The following CC2D2B variants were observed in gnomAD, a reference collection of about 807,000 sequenced individuals.
CC2D2B encodes the protein coiled-coil and C2 domain containing 2B.
Under a neutral mutation model 161.2 loss-of-function variants are expected in CC2D2B, and 128 were observed. The observed-to-expected ratio is 0.79, with a 90% CI of 0.69 to 0.92. The LOEUF (loss-of-function observed/expected upper bound fraction) is 0.92, where lower values mean the gene tolerates loss of function less well. Ranked by LOEUF, CC2D2B falls within the 40% of genes least tolerant of loss-of-function variation. The probability of loss-of-function intolerance (pLI) is 0.00; values close to 1 mark genes in which losing one functional copy is unlikely to be tolerated. For missense variants in CC2D2B, 1,173 were observed against 1,375.1 expected (o/e 0.85, Z 2.32); for synonymous variants, 391 against 449.8 (o/e 0.87, Z 1.65).
intron 9 of CC2D2B, among the ~76,000 whole-genome samples, chr10:95,948,096 C>G (rs10736096): frequency 0.59 from 89,744 of 151,976 alleles, 27,064 homozygotes; most frequent in Admixed American, 0.66. Context: ...GCACACAATA[C>G]TGAGATAGAT....
intron 17 of CC2D2B, among the ~76,000 whole-genome samples, chr10:95,980,904 T>C (rs1423827468): frequency 6.6e-6 from 1 of 152,196 alleles, no homozygotes; most frequent in Non-Finnish European, 1.5e-5. Context: ...ATTTGGATTG[T>C]AGTCCAAATT....
chr10:96,030,568 A>AAGTTGTTTTTGCTTTGCTTTGCTTTATTT (rs2080023459), intron 34 of CC2D2B, among the ~76,000 whole-genome samples: 1 of 152,076 alleles, frequency 6.6e-6, no homozygotes, highest in Non-Finnish European at 1.5e-5. Flanking sequence ...AATAGGGAGG[A>AAGTTGTTTTTGCTTTGCTTTGCTTTATTT]AGTTGTTTTT....
chr10:95,994,087 A>T (rs935411611), intron 22 of CC2D2B, among the ~76,000 whole-genome samples: 1 of 149,364 alleles, frequency 6.7e-6, no homozygotes, highest in South Asian at 2.2e-4. Flanking sequence ...AGACAAAGAG[A>T]TAAAGAGAAA....
chr10:95,958,261 G>A (rs2076645564), intron 11 of CC2D2B, among the ~76,000 whole-genome samples: 1 of 152,184 alleles, frequency 6.6e-6, no homozygotes, highest in Admixed American at 6.5e-5. Flanking sequence ...AGAGGCTGAG[G>A]TGAGCAGATT....
At chr10:95,923,107 C>T (rs910785473) in intron 3 of CC2D2B, among the ~76,000 whole-genome samples, 2 of 152,268 alleles carry the variant, frequency 1.3e-5, no homozygotes, top group South Asian at 4.1e-4. Flanking sequence ...CATGTGCCAC[C>T]ACGCCCAGTT....
Position 96,032,243 on chromosome 10 carries a change from G to A in CC2D2B, c.*235G>A. 1 of 428,194 alleles carries A rather than the reference G, an allele frequency of 2.3e-6. No individual in the cohort carries two copies. Among genetic ancestry groups the A allele is most frequent in the Non-Finnish European group, 4.2e-6 (1 of 239,364 alleles). The allele number at this position is 428,194 out of a possible 1,614,324, so 26.5% of individuals were successfully genotyped here. ...CCTCTCCAGGAAGGACCTTTGGATA[G>A]TCTGGCTTTCTTGGGTCACTGTCTG... On this transcript the variant is annotated 3_prime_UTR_variant, in exon 35 of 35. Transcript: ENST00000646931.
chr10:95,932,130 G>A lies in CC2D2B; in HGVS notation c.336+4798G>A, dbSNP rs900435655. ...TGTTGCATCAATCCTTTACCATTATGTAATGCCCTTCTTTGTCTTTTTTCA... is the reference window on the plus strand; with the variant it reads ...TGTTGCATCAATCCTTTACCATTATATAATGCCCTTCTTTGTCTTTTTTCA... On this transcript the variant is annotated intron_variant, in intron 6 of 34. Transcript: ENST00000646931. Among the ~76,000 whole-genome samples, 3 of 152,302 alleles carry A rather than the reference G, an allele frequency of 2.0e-5. No homozygotes were observed. The South Asian group carries it at 6.2e-4, about 32-fold the overall frequency.
At chr10:95,939,690 T>C (rs2075956289) in intron 9 of CC2D2B, among the ~76,000 whole-genome samples, 1 of 152,226 alleles carries the variant, frequency 6.6e-6, no homozygotes, top group African/African-American at 2.4e-5. Flanking sequence ...CTGATGTACA[T>C]AAGTTGTATT....
intron 5 of CC2D2B, 85 bp downstream of exon 5, chr10:95,924,929 GTA>G (rs2098535623): frequency 2.6e-6 from 2 of 757,676 alleles, no homozygotes; most frequent in Non-Finnish European, 4.4e-6. Flanking sequence ...CATTTAAAGT[GTA>G]TATGACTCAA....
chr10:95,911,175 G>A (rs1484749189), intron 1 of CC2D2B, 126 bp from the exon 2 acceptor site: 1 of 192,562 alleles, frequency 5.2e-6, no homozygotes, highest in Non-Finnish European at 1.0e-5. Flanking sequence ...AATAGTAAAA[G>A]TGATAGTATA....
chr10:96,027,983 A>C (rs774670148), intron 34 of CC2D2B, among the ~76,000 whole-genome samples: 63 of 152,202 alleles, frequency 4.1e-4, no homozygotes, highest in Non-Finnish European at 5.1e-4. Flanking sequence ...TGCAAAATCA[A>C]ATCAAGCTGG....
rs2075890839 is a variant in CC2D2B at position 95,938,097 on chromosome 10, A to C, written c.443A>C (p.Asp148Ala). 1 of 1,548,506 alleles carries C rather than the reference A, an allele frequency of 6.5e-7. No homozygotes were observed. Among genetic ancestry groups the C allele is most frequent in the African/African-American group, 1.4e-5 (1 of 72,984 alleles). The change falls in exon 7 of 35, where the codon GAT becomes GCT. Residue 148 changes from aspartate (D) to alanine (A), a missense_variant. Coordinates refer to ENST00000646931, the MANE Select transcript of CC2D2B (RefSeq NM_001349008.3). ...EEFMKEFILTDILKVKAADYE... is the reference protein window; with the variant it reads ...EEFMKEFILTAILKVKAADYE... ...TTTATGAAAGAATTCATTTTGACAG[A>C]TATACTCAAAGTAAAAGCTGCTGAC...
intron 24 of CC2D2B, chr10:96,000,005 T>C: frequency 1.8e-6 from 2 of 1,130,604 alleles, no homozygotes; most frequent in East Asian, 3.2e-5. Flanking sequence ...GCAAGAATCT[T>C]GCCCTTCTTT....
Position 95,966,109 on chromosome 10 carries a change from A to C in CC2D2B, c.1354-81A>C. The C allele has an allele frequency of 4.2e-6, 3 of 711,730 alleles. No homozygotes were observed. The South Asian group carries it at 2.2e-4, about 52-fold the overall frequency. The allele number at this position is 711,730 out of a possible 1,614,324, so 44.1% of individuals were successfully genotyped here. On this transcript the variant is annotated intron_variant, in intron 13 of 34. Transcript: ENST00000646931. Reference sequence around the variant, plus strand: ...AGTTATCCAACAAACTGACAAATACAAGAAATAAATGAATTTTAAGAATAA... The same window carrying C: ...AGTTATCCAACAAACTGACAAATACCAGAAATAAATGAATTTTAAGAATAA...
At chr10:95,924,965 T>G in intron 5 of CC2D2B, 121 bp downstream of exon 5, 4 of 606,806 alleles carry the variant, frequency 6.6e-6, no homozygotes, top group South Asian at 2.7e-5. Flanking sequence ...ATTTACAGAA[T>G]TGTTCAATCA....
At chr10:96,017,248 T>G (rs969773954) in intron 30 of CC2D2B, among the ~76,000 whole-genome samples, 2 of 152,222 alleles carry the variant, frequency 1.3e-5, no homozygotes, top group African/African-American at 4.8e-5. Context: ...GTGTCAGTAT[T>G]TACAGTCTTG....
chr10:95,992,438 A>C, intron 21 of CC2D2B, 89 bp from the exon 22 acceptor site: 1 of 984,828 alleles, frequency 1.0e-6, no homozygotes, highest in Non-Finnish European at 1.3e-6. Flanking sequence ...GGTTTAGAAT[A>C]ATGGTCTCAT....
intron 24 of CC2D2B, among the ~76,000 whole-genome samples, chr10:95,998,132 G>A (rs2078303468): frequency 6.6e-6 from 1 of 150,438 alleles, no homozygotes; most frequent in Admixed American, 6.6e-5. Flanking sequence ...AGCAATTTTA[G>A]GCTCACAAGA....
intron 25 of CC2D2B, among the ~76,000 whole-genome samples, chr10:96,004,513 A>G (rs754771870): frequency 6.6e-5 from 10 of 152,244 alleles, no homozygotes; most frequent in Non-Finnish European, 1.2e-4. Context: ...ATTGAACATT[A>G]CAATTAAATG....
Sources: gnomAD v4.1 joint callset for allele counts (sites outside exome capture counted in the v4.1 genomes callset) on GRCh38, gnomAD v4.1.1 for gene constraint, MANE v1.5 for transcripts, NCBI Gene and HGNC (gene_info 2026-07-23, HGNC 2026-07-21) for gene names.